SLIT2: variants seen among roughly 807,000 people sequenced by gnomAD.
SLIT2 encodes slit homolog 2 protein.
Under a neutral mutation model 185.7 loss-of-function variants are expected in SLIT2, and 41 were observed. The observed-to-expected ratio is 0.22, with a 90% CI of 0.17 to 0.29. The LOEUF (loss-of-function observed/expected upper bound fraction) is 0.29, where lower values mean the gene tolerates loss of function less well. SLIT2 is among the 10% of genes least tolerant of loss of function. SLIT2 has a pLI of 1.00. For missense variants in SLIT2, 1,571 were observed against 1,909.0 expected, an observed-to-expected ratio of 0.82 and a Z score of 3.30; for synonymous variants, 693 against 680.2, an observed-to-expected ratio of 1.02 and a Z score of -0.29.
chr4:20,327,672 G>A (rs967448252), intron 4 of SLIT2, among the ~76,000 whole-genome samples: 17 of 151,884 alleles, frequency 1.1e-4, no homozygotes, highest in African/African-American at 3.9e-4. Flanking sequence ...GTGATAAAAT[G>A]TTTTAAACTT....
rs551183877 is a variant in SLIT2 at position 20,380,659 on chromosome 4, G to C, written c.396-87093G>C. On this transcript the variant is annotated intron_variant, in intron 4 of 36. Coordinates refer to ENST00000504154, the MANE Select transcript of SLIT2 (RefSeq NM_004787.4). ...AATACACTGTATGTGAGCAGTAATA[G>C]ATAAACACTTAAGAAGAAAAAGTTA... 5.3e-4 allele frequency among the ~76,000 whole-genome samples: 80 copies of C among 151,964 alleles called. No individual in the cohort carries two copies. In the South Asian group the frequency reaches 0.015, roughly 28 times the overall value.
At chr4:20,538,116 C>A (rs1031435911) in intron 18 of SLIT2, among the ~76,000 whole-genome samples, 1 of 152,252 alleles carries the variant, frequency 6.6e-6, no homozygotes, top group Non-Finnish European at 1.5e-5. Flanking sequence ...CCCGCCACCA[C>A]GCTAGGCTAA....
At chr4:20,539,620 G>A (rs1722620829) in intron 19 of SLIT2, 36 bp downstream of exon 19, 2 of 1,407,820 alleles carry the variant, frequency 1.4e-6, no homozygotes, top group Non-Finnish European at 2.0e-6. Flanking sequence ...TATTACTTGA[G>A]CCATTTATTA....
At chr4:20,452,222 G>T (rs1224938932) in intron 4 of SLIT2, among the ~76,000 whole-genome samples, 1 of 152,100 alleles carries the variant, frequency 6.6e-6, no homozygotes, top group Non-Finnish European at 1.5e-5. Context: ...GTGTCATTTT[G>T]TTTAGCTTCC....
intron 21 of SLIT2, among the ~76,000 whole-genome samples, chr4:20,544,467 T>G (rs969910798): frequency 6.6e-6 from 1 of 152,170 alleles, no homozygotes. Context: ...ATTTTCAATC[T>G]ATTTTACTAC....
intron 3 of SLIT2, among the ~76,000 whole-genome samples, chr4:20,267,073 G>C (rs73803834): frequency 0.013 from 1,942 of 151,882 alleles, 50 homozygotes; most frequent in African/African-American, 0.045. Context: ...TCCAAGAGTG[G>C]TTGCATTCCT....
intron 17 of SLIT2, among the ~76,000 whole-genome samples, chr4:20,533,092 A>C (rs952962380): frequency 6.6e-6 from 1 of 152,212 alleles, no homozygotes; most frequent in Non-Finnish European, 1.5e-5. Flanking sequence ...TTGTTTCAAC[A>C]CATTATTACA....
intron 4 of SLIT2, among the ~76,000 whole-genome samples, chr4:20,439,261 G>A (rs1214091378): frequency 1.3e-5 from 2 of 152,152 alleles, no homozygotes; most frequent in Non-Finnish European, 2.9e-5. Flanking sequence ...TTTGCTAGAC[G>A]TTCCATAACA....
At chr4:20,563,082 A>C (rs1350451894) in intron 26 of SLIT2, among the ~76,000 whole-genome samples, 1 of 151,780 alleles carries the variant, frequency 6.6e-6, no homozygotes, top group Non-Finnish European at 1.5e-5. Flanking sequence ...GAGGTCCAAC[A>C]GTTCTTCCAT....
intron 4 of SLIT2, among the ~76,000 whole-genome samples, chr4:20,275,688 G>A (rs1714103062): frequency 6.6e-6 from 1 of 152,056 alleles, no homozygotes; most frequent in Admixed American, 6.5e-5. Context: ...GGCTGCAGAA[G>A]GTACATTAGG....
intron 9 of SLIT2, among the ~76,000 whole-genome samples, chr4:20,501,573 C>A (rs1235119655): frequency 1.3e-5 from 2 of 152,176 alleles, no homozygotes; most frequent in Non-Finnish European, 2.9e-5. Context: ...TGTGACTCAC[C>A]ACACCCGGCA....
intron 17 of SLIT2, among the ~76,000 whole-genome samples, chr4:20,532,822 T>C (rs1315909111): frequency 6.6e-6 from 1 of 152,244 alleles, no homozygotes; most frequent in Non-Finnish European, 1.5e-5. Context: ...TTCACTGTTA[T>C]GAAATGTACT....
chr4:20,509,774 C>A (rs1310438025), intron 9 of SLIT2, among the ~76,000 whole-genome samples: 1 of 152,190 alleles, frequency 6.6e-6, no homozygotes, highest in Non-Finnish European at 1.5e-5. Flanking sequence ...TCTTGTCTTT[C>A]TCTGTTAGCA....
chr4:20,539,300 G>A, intron 18 of SLIT2, 141 bp from the exon 19 acceptor site: 1 of 664,098 alleles, frequency 1.5e-6, no homozygotes, highest in Non-Finnish European at 2.5e-6. Context: ...TATATTCATA[G>A]CAATATCTAA....
chr4:20,483,807 G>A lies in SLIT2; in HGVS notation c.540-2393G>A, dbSNP rs565877741. ...AATAGACTTACACATGGGAGAAAATGTTCACAACTAAATAATTACAATATA... is the reference window on the plus strand; with the variant it reads ...AATAGACTTACACATGGGAGAAAATATTCACAACTAAATAATTACAATATA... On this transcript the variant is annotated intron_variant, in intron 6 of 36. Coordinates refer to ENST00000504154, the MANE Select transcript of SLIT2 (RefSeq NM_004787.4). 4.6e-5 allele frequency among the ~76,000 whole-genome samples: 7 copies of A among 152,014 alleles called. No homozygotes were observed. In the South Asian group the frequency reaches 1.2e-3, roughly 27 times the overall value.
chr4:20,284,383 A>G (rs1715071472), intron 4 of SLIT2, among the ~76,000 whole-genome samples: 1 of 152,204 alleles, frequency 6.6e-6, no homozygotes, highest in South Asian at 2.1e-4. Flanking sequence ...CATAGGTTAT[A>G]CATTCTGTGA....
chr4:20,442,348 T>A (rs1729818613), intron 4 of SLIT2, among the ~76,000 whole-genome samples: 1 of 151,980 alleles, frequency 6.6e-6, no homozygotes, highest in African/African-American at 2.4e-5. Flanking sequence ...TGAAACCCTG[T>A]CCCTACTAAA....
At chr4:20,341,026 G>T (rs1242634126) in intron 4 of SLIT2, among the ~76,000 whole-genome samples, 4 of 152,158 alleles carry the variant, frequency 2.6e-5, no homozygotes, top group Non-Finnish European at 4.4e-5. Context: ...TTACTAAGAA[G>T]GTAAGATGAA....
intron 18 of SLIT2, among the ~76,000 whole-genome samples, chr4:20,534,716 G>C (rs1722115303): frequency 6.6e-6 from 1 of 152,116 alleles, no homozygotes; most frequent in African/African-American, 2.4e-5. Context: ...TGAGAGCCAT[G>C]TATGACCAGT....
Sources: allele counts gnomAD v4.1 joint callset (sites outside exome capture counted in the v4.1 genomes callset), GRCh38; gene constraint gnomAD v4.1.1; transcripts MANE v1.5; gene names NCBI Gene and HGNC (gene_info 2026-07-23, HGNC 2026-07-21).